RIMS1: variants seen among roughly 807,000 people sequenced by gnomAD.
The protein encoded by RIMS1 is regulating synaptic membrane exocytosis 1, also known as regulating synaptic membrane exocytosis protein 1.
RIMS1 carries 83 observed loss-of-function variants against 214.1 expected under a neutral mutation model. That is an observed-to-expected ratio of 0.39 (90% CI 0.32 to 0.47). The LOEUF is 0.47. RIMS1 is among the 20% of genes least tolerant of loss of function. The pLI, the probability that RIMS1 is intolerant of heterozygous loss-of-function variation, is 0.99. For synonymous variants in RIMS1, 793 were observed against 786.8 expected (o/e 1.01, Z -0.13); for missense variants, 2,050 against 2,161.8 (o/e 0.95, Z 1.03).
intron 2 of RIMS1, among the ~76,000 whole-genome samples, chr6:72,018,903 A>C (rs988172813): frequency 1.3e-5 from 2 of 152,196 alleles, no homozygotes; most frequent in African/African-American, 4.8e-5. Flanking sequence ...TCAACATTTT[A>C]ATAGATGTTA....
chr6:72,262,356 C>A (rs1236214945), intron 19 of RIMS1: 2 of 976,812 alleles, frequency 2.0e-6, no homozygotes, highest in Non-Finnish European at 2.4e-6. Flanking sequence ...CTGATTTAAG[C>A]AAATAATCAT....
intron 26 of RIMS1, among the ~76,000 whole-genome samples, chr6:72,301,291 G>A (rs936084056): frequency 6.6e-6 from 1 of 151,690 alleles, no homozygotes; most frequent in African/African-American, 2.4e-5. Flanking sequence ...GCATTTCTAT[G>A]TAGTCAAAAT....
chr6:72,299,269 C>A (rs1014116100), intron 26 of RIMS1, among the ~76,000 whole-genome samples: 2 of 151,872 alleles, frequency 1.3e-5, no homozygotes, highest in African/African-American at 4.8e-5. Flanking sequence ...CTCTTGGAAG[C>A]AATTTTGAAT....
At chr6:72,107,557 T>A (rs757420783) in intron 4 of RIMS1, among the ~76,000 whole-genome samples, 9 of 151,948 alleles carry the variant, frequency 5.9e-5, no homozygotes, top group African/African-American at 1.7e-4. Context: ...TAAGACTCCA[T>A]CTCAAAAGAA....
chr6:72,075,989 C>A (rs1257816449), intron 2 of RIMS1, among the ~76,000 whole-genome samples: 6 of 152,040 alleles, frequency 3.9e-5, no homozygotes. Context: ...GAGTATGTGA[C>A]CTGTTTGTTC....
At chr6:72,236,154 T>G (rs535080509) in intron 8 of RIMS1, among the ~76,000 whole-genome samples, 2 of 152,304 alleles carry the variant, frequency 1.3e-5, no homozygotes, top group East Asian at 3.9e-4. Flanking sequence ...GGTATGCCAC[T>G]AAGAATTGTG....
intron 1 of RIMS1, among the ~76,000 whole-genome samples, chr6:71,926,824 A>G (rs933708070): frequency 1.3e-5 from 2 of 152,202 alleles, no homozygotes; most frequent in Non-Finnish European, 2.9e-5. Flanking sequence ...CAAAATCAGG[A>G]TATAATATTT....
intron 4 of RIMS1, among the ~76,000 whole-genome samples, chr6:72,148,172 G>C (rs1452348385): frequency 6.6e-6 from 1 of 152,166 alleles, no homozygotes; most frequent in African/African-American, 2.4e-5. Flanking sequence ...GGTGTGTCCT[G>C]TGGTACAGGG....
chr6:71,890,167 T>G (rs1032285371), intron 1 of RIMS1, among the ~76,000 whole-genome samples: 2 of 152,176 alleles, frequency 1.3e-5, no homozygotes, highest in African/African-American at 4.8e-5. Flanking sequence ...TCTTTAAATA[T>G]GTATAAATGG....
chr6:72,152,836 A>T, intron 4 of RIMS1, among the ~76,000 whole-genome samples: 1 of 38,710 alleles, frequency 2.6e-5, no homozygotes, highest in African/African-American at 1.7e-4. Flanking sequence ...ATGTATATAT[A>T]TGTATATATG....
intron 2 of RIMS1, among the ~76,000 whole-genome samples, chr6:72,043,244 T>C (rs772975103): frequency 6.6e-6 from 1 of 151,676 alleles, no homozygotes; most frequent in African/African-American, 2.4e-5. Context: ...AAAAGGCAAG[T>C]TTCTCCCTGC....
At chr6:72,290,413 A>T (rs1380751569) in intron 24 of RIMS1, among the ~76,000 whole-genome samples, 1 of 152,206 alleles carries the variant, frequency 6.6e-6, no homozygotes, top group African/African-American at 2.4e-5. Context: ...ACAAACAGAC[A>T]GGAGTCTCTG....
chr6:71,972,147 C>G (rs1470783411), intron 2 of RIMS1, among the ~76,000 whole-genome samples: 1 of 152,024 alleles, frequency 6.6e-6, no homozygotes, highest in Non-Finnish European at 1.5e-5. Flanking sequence ...AGTAAAGAAC[C>G]AGAAGCCAAG....
chr6:71,889,667 C>T (rs72930258), intron 1 of RIMS1, among the ~76,000 whole-genome samples: 11,526 of 152,094 alleles, frequency 0.076, 614 homozygotes, highest in South Asian at 0.24. Context: ...TTATAGGGGA[C>T]ACTTTATGTC....
rs182888753 is a variant in RIMS1 at position 72,121,761 on chromosome 6, C to A, written c.471+21775C>A. 4.3e-3 allele frequency among the ~76,000 whole-genome samples: 658 copies of A among 151,952 alleles called. 9 individuals are homozygous for A. The highest frequency in any genetic ancestry group is 0.015 in the African/African-American group (642 of 41,492). On this transcript the variant is annotated intron_variant, in intron 4 of 33. Transcript: ENST00000521978. ...TCAAAGGGAATGCTTCCAGTTTTTG[C>A]CCATTCAGTATGATATTGGCTGTGG...
intron 25 of RIMS1, 43 bp downstream of exon 25, chr6:72,290,904 G>C: frequency 1.9e-6 from 3 of 1,586,948 alleles, no homozygotes; most frequent in Non-Finnish European, 2.6e-6. Flanking sequence ...TCCTGCCTCC[G>C]GGTGTTGGTG....
intron 2 of RIMS1, among the ~76,000 whole-genome samples, chr6:72,019,837 C>G (rs896532568): frequency 2.0e-5 from 3 of 152,050 alleles, no homozygotes; most frequent in Non-Finnish European, 4.4e-5. Flanking sequence ...GTTTTTTTCC[C>G]CACATAGGCA....
intron 29 of RIMS1, among the ~76,000 whole-genome samples, chr6:72,352,239 T>C (rs1000439329): frequency 1.9e-4 from 29 of 152,222 alleles, no homozygotes; most frequent in African/African-American, 6.3e-4. Context: ...AATTCACTCA[T>C]CCACAGGGAT....
chr6:72,261,333 A>G, intron 19 of RIMS1: 6 of 989,256 alleles, frequency 6.1e-6, no homozygotes, highest in Non-Finnish European at 7.2e-6. Context: ...CTAGCCCACC[A>G]GTTGTCAGAA....
Sources: gnomAD v4.1 joint callset for allele counts (sites outside exome capture counted in the v4.1 genomes callset) on GRCh38, gnomAD v4.1.1 for gene constraint, MANE v1.5 for transcripts, NCBI Gene and HGNC (gene_info 2026-07-23, HGNC 2026-07-21) for gene names.